Variants in FBXL5 observed in about 807,000 individuals in gnomAD.
FBXL5 encodes the protein F-box and leucine rich repeat protein 5, also known as F-box/LRR-repeat protein 5.
FBXL5 carries 26 observed loss-of-function variants against 78.3 expected under a neutral mutation model. That is an observed-to-expected ratio of 0.33 (90% CI 0.24 to 0.46). FBXL5 has a LOEUF of 0.46. FBXL5 is among the 20% of genes least tolerant of loss of function. FBXL5 has a pLI of 1.00. For synonymous variants in FBXL5, 295 were observed against 282.5 expected, an observed-to-expected ratio of 1.04 and a Z score of -0.45; for missense variants, 710 against 829.2, an observed-to-expected ratio of 0.86 and a Z score of 1.77.
chr4:15,663,472 A>C (rs937013880), upstream of FBXL5, among the ~76,000 whole-genome samples: 2 of 152,188 alleles, frequency 1.3e-5, no homozygotes, highest in South Asian at 2.1e-4. Flanking sequence ...GTCTGGGTTC[A>C]AATCTCAGCT....
chr4:15,673,291 A>G (rs2148816424), intron 1 of FBXL5, among the ~76,000 whole-genome samples: 1 of 152,156 alleles, frequency 6.6e-6, no homozygotes, highest in East Asian at 1.9e-4. Flanking sequence ...AATACAAAAA[A>G]TTAGCCGGGT....
intron 9 of FBXL5, among the ~76,000 whole-genome samples, chr4:15,614,903 G>A (rs1045754754): frequency 1.3e-5 from 2 of 152,184 alleles, no homozygotes; most frequent in African/African-American, 4.8e-5. Context: ...AGCTTGCAGG[G>A]AGGTGTAGAG....
intron 2 of FBXL5, among the ~76,000 whole-genome samples, chr4:15,642,566 T>C (rs923094822): frequency 2.6e-5 from 4 of 152,208 alleles, no homozygotes; most frequent in Admixed American, 6.5e-5. Context: ...GAAAATATTT[T>C]ATCTCTGTTA....
chr4:15,608,330 A>G (rs905754696), intron 10 of FBXL5, among the ~76,000 whole-genome samples: 3 of 152,014 alleles, frequency 2.0e-5, no homozygotes, highest in African/African-American at 7.2e-5. Context: ...CTGACATGAC[A>G]CAGTTTTTCA....
At chr4:15,661,429 G>C (rs1717301961), upstream of FBXL5, among the ~76,000 whole-genome samples, 1 of 152,162 alleles carries the variant, frequency 6.6e-6, no homozygotes, top group Non-Finnish European at 1.5e-5. Flanking sequence ...CTAAATGTTA[G>C]CTATTTTACC....
chr4:15,668,735 T>G (rs375597970), intron 1 of FBXL5, among the ~76,000 whole-genome samples: 20 of 152,160 alleles, frequency 1.3e-4, no homozygotes, highest in African/African-American at 4.8e-4. Context: ...ACATTCAAGT[T>G]CCCAGACTAA....
intron 1 of FBXL5, among the ~76,000 whole-genome samples, chr4:15,649,631 A>G (rs904403665): frequency 3.3e-5 from 5 of 151,820 alleles, no homozygotes; most frequent in Non-Finnish European, 7.4e-5. Flanking sequence ...AATATACACA[A>G]TTTAACTTTT....
At chr4:15,642,680 T>C (rs757987796) in intron 2 of FBXL5, among the ~76,000 whole-genome samples, 2 of 152,220 alleles carry the variant, frequency 1.3e-5, no homozygotes, top group Non-Finnish European at 2.9e-5. Flanking sequence ...TCCCTAAGCA[T>C]ATCCACATGG....
intron 4 of FBXL5, 103 bp from the exon 5 acceptor site, chr4:15,636,779 T>C (rs1034197939): frequency 1.3e-6 from 1 of 763,140 alleles, no homozygotes. Flanking sequence ...CTGAAGTCAA[T>C]TCCTTCCTGC....
chr4:15,667,871 G>A (rs181316903), intron 1 of FBXL5, among the ~76,000 whole-genome samples: 81 of 152,002 alleles, frequency 5.3e-4, no homozygotes, highest in African/African-American at 1.8e-3. Context: ...GAGAAACCCC[G>A]TCTCTAATAA....
At chr4:15,680,576 T>C (rs1313163315) in intron 1 of FBXL5, among the ~76,000 whole-genome samples, 2 of 151,508 alleles carry the variant, frequency 1.3e-5, no homozygotes, top group Non-Finnish European at 2.9e-5. Context: ...ACTCGGGAGG[T>C]TGTGGCAGGG....
intron 1 of FBXL5, among the ~76,000 whole-genome samples, chr4:15,666,881 AAGAC>A (rs1280446175): frequency 6.6e-6 from 1 of 152,152 alleles, no homozygotes; most frequent in African/African-American, 2.4e-5. Context: ...TAAAAAAAAA[AAGAC>A]AGGCAAATGG....
intron 1 of FBXL5, among the ~76,000 whole-genome samples, chr4:15,667,651 A>G (rs1192253872): frequency 2.0e-5 from 3 of 152,160 alleles, no homozygotes; most frequent in African/African-American, 7.2e-5. Context: ...CACAAATACC[A>G]TGACAAACTG....
At chr4:15,654,023 G>A (rs1235803432) in intron 1 of FBXL5, among the ~76,000 whole-genome samples, 1 of 152,194 alleles carries the variant, frequency 6.6e-6, no homozygotes, top group Admixed American at 6.5e-5. Flanking sequence ...CAGAATGGAG[G>A]GAGGGAGAAG....
chr4:15,649,130 CAT>C (rs1454999837), intron 1 of FBXL5, among the ~76,000 whole-genome samples: 1 of 151,218 alleles, frequency 6.6e-6, no homozygotes, highest in African/African-American at 2.4e-5. Flanking sequence ...AAATCCTCAA[CAT>C]GTTTGTTGAT....
At chr4:15,655,371 C>A, upstream of FBXL5, 1 of 1,113,696 alleles carries the variant, frequency 9.0e-7, no homozygotes, top group Non-Finnish European at 1.1e-6. Context: ...GGCGGCGCGC[C>A]CCCTTGCGCA....
intron 9 of FBXL5, among the ~76,000 whole-genome samples, chr4:15,619,399 A>T (rs893496398): frequency 2.0e-5 from 3 of 152,218 alleles, no homozygotes; most frequent in Non-Finnish European, 4.4e-5. Flanking sequence ...AAAATCAACC[A>T]ACAAATCACA....
At chr4:15,638,121 T>C (rs1408085672) in intron 4 of FBXL5, among the ~76,000 whole-genome samples, 2 of 152,164 alleles carry the variant, frequency 1.3e-5, no homozygotes, top group Non-Finnish European at 1.5e-5. Flanking sequence ...GCAGCCACTA[T>C]GGTCAATAAA....
intron 10 of FBXL5, among the ~76,000 whole-genome samples, chr4:15,611,089 T>C (rs548678309): frequency 6.6e-6 from 1 of 151,768 alleles, no homozygotes; most frequent in Non-Finnish European, 1.5e-5. Context: ...TCACCAACTA[T>C]GATGACATTC....
Sources: gnomAD v4.1 joint callset for allele counts (sites outside exome capture counted in the v4.1 genomes callset) on GRCh38, gnomAD v4.1.1 for gene constraint, MANE v1.5 for transcripts, NCBI Gene and HGNC (gene_info 2026-07-23, HGNC 2026-07-21) for gene names.